EHHADH: variants seen among roughly 807,000 people sequenced by gnomAD.
EHHADH encodes enoyl-CoA hydratase and 3-hydroxyacyl CoA dehydrogenase, also known as peroxisomal bifunctional enzyme.
EHHADH carries 48 observed loss-of-function variants against 64.4 expected under a neutral mutation model. The ratio of observed to expected loss-of-function variants is 0.75; its 90% CI spans 0.59 to 0.95. EHHADH has a LOEUF of 0.95. Ranked by LOEUF, EHHADH falls within the 40% of genes least tolerant of loss-of-function variation. EHHADH has a pLI of 0.00. For synonymous variants in EHHADH, 308 were observed against 326.7 expected (o/e 0.94, Z 0.62); for missense variants, 854 against 876.6 (o/e 0.97, Z 0.33).
chr3:185,247,099 AATTT>A (rs1220094986), intron 2 of EHHADH, among the ~76,000 whole-genome samples: 26 of 152,092 alleles, frequency 1.7e-4, no homozygotes, highest in African/African-American at 5.1e-4. Flanking sequence ...TTCTTAATGA[AATTT>A]ATTTAGATAA....
intron 4 of EHHADH, among the ~76,000 whole-genome samples, chr3:185,223,881 T>C (rs987459852): frequency 6.6e-6 from 1 of 152,154 alleles, no homozygotes; most frequent in African/African-American, 2.4e-5. Flanking sequence ...TGTCAGTTGA[T>C]TGGACAGAGA....
intron 2 of EHHADH, among the ~76,000 whole-genome samples, chr3:185,236,397 A>G (rs1161346116): frequency 1.1e-4 from 1 of 9,226 alleles, no homozygotes; most frequent in Non-Finnish European, 2.2e-4. Context: ...ACCCCCACCC[A>G]CTACCCCTGT....
intron 5 of EHHADH, among the ~76,000 whole-genome samples, chr3:185,206,269 C>T (rs1456728652): frequency 1.4e-5 from 2 of 144,934 alleles, no homozygotes; most frequent in African/African-American, 5.4e-5. Flanking sequence ...TGGATATCCA[C>T]ATGCCAAAAA....
At chr3:185,212,948 C>T (rs956975144) in intron 5 of EHHADH, among the ~76,000 whole-genome samples, 3 of 151,418 alleles carry the variant, frequency 2.0e-5, no homozygotes, top group Non-Finnish European at 2.9e-5. Flanking sequence ...GGTGAAACCC[C>T]GTCTCTACTA....
In EHHADH at chr3:185,204,530, T is replaced by TA; in HGVS notation, c.795dup (p.Arg266Ter). Reference sequence around the variant, plus strand: ...GCGAAGAAAGCATATTGCAGGGCTCTAGCCTGCCCTGATTGCAAAAGATAT... The same window carrying TA: ...GCGAAGAAAGCATATTGCAGGGCTCTAAGCCTGCCCTGATTGCAAAAGATAT... On this transcript the variant is annotated frameshift_variant, in exon 6 of 7. Coordinates refer to ENST00000231887, the MANE Select transcript of EHHADH (RefSeq NM_001966.4). LOFTEE classifies it high-confidence loss of function. 6.2e-7 allele frequency: 1 copy of TA among 1,614,128 alleles called. No homozygotes were observed. Among genetic ancestry groups the TA allele is most frequent in the Non-Finnish European group, 8.5e-7 (1 of 1,179,968 alleles).
chr3:185,230,123 C>T (rs967113192), intron 3 of EHHADH, among the ~76,000 whole-genome samples: 2 of 152,278 alleles, frequency 1.3e-5, no homozygotes, highest in African/African-American at 2.4e-5. Flanking sequence ...CACAAGGTAA[C>T]ACTTTATACC....
chr3:185,206,303 G>T (rs966726174), intron 5 of EHHADH, among the ~76,000 whole-genome samples: 1 of 151,224 alleles, frequency 6.6e-6, no homozygotes, highest in African/African-American at 2.4e-5. Context: ...AAAAAATTTA[G>T]GTCCTTACCT....
chr3:185,228,400 G>A (rs369441369), intron 4 of EHHADH, among the ~76,000 whole-genome samples: 14 of 151,444 alleles, frequency 9.2e-5, no homozygotes, highest in East Asian at 1.9e-4. Context: ...CGGGCTGGCC[G>A]GATGTGGTGG....
chr3:185,196,129 T>C (rs201483906), intron 6 of EHHADH, among the ~76,000 whole-genome samples: 1 of 152,226 alleles, frequency 6.6e-6, no homozygotes, highest in East Asian at 1.9e-4. Flanking sequence ...AAATGGAATA[T>C]TCCAAAATCT....
intron 1 of EHHADH, among the ~76,000 whole-genome samples, chr3:185,252,718 C>A (rs1231255102): frequency 6.6e-6 from 1 of 152,134 alleles, no homozygotes; most frequent in East Asian, 1.9e-4. Context: ...AATATTAATA[C>A]TAATGATAAA....
At chr3:185,214,436 C>T (rs1718630800) in intron 5 of EHHADH, among the ~76,000 whole-genome samples, 1 of 152,234 alleles carries the variant, frequency 6.6e-6, no homozygotes, top group Non-Finnish European at 1.5e-5. Flanking sequence ...CAGTCCTGAG[C>T]CCATTTCTCT....
At chr3:185,226,239 G>A (rs1718971932) in intron 4 of EHHADH, among the ~76,000 whole-genome samples, 2 of 152,236 alleles carry the variant, frequency 1.3e-5, no homozygotes, top group Admixed American at 1.3e-4. Context: ...GAAGCGAGCT[G>A]TCACACTGTG....
chr3:185,209,222 GA>G (rs1349781356), intron 5 of EHHADH, among the ~76,000 whole-genome samples: 11 of 152,044 alleles, frequency 7.2e-5, no homozygotes, highest in African/African-American at 1.9e-4. Flanking sequence ...TTTTATTGAA[GA>G]ACATAAAATA....
chr3:185,253,848 C>T (rs1365198759), intron 1 of EHHADH, 101 bp downstream of exon 1: 1 of 1,531,608 alleles, frequency 6.5e-7, no homozygotes, highest in Non-Finnish European at 8.8e-7. Context: ...TCTTGAGTGT[C>T]CTTCTCGGTT....
chr3:185,210,755 G>A (rs978272135), intron 5 of EHHADH, among the ~76,000 whole-genome samples: 8 of 151,980 alleles, frequency 5.3e-5, no homozygotes, highest in African/African-American at 1.5e-4. Context: ...AGTGTTGTCC[G>A]CCACTGAATC....
chr3:185,196,361 C>T (rs1654399715), intron 6 of EHHADH, among the ~76,000 whole-genome samples: 1 of 152,068 alleles, frequency 6.6e-6, no homozygotes, highest in African/African-American at 2.4e-5. Flanking sequence ...TGTATAGATA[C>T]ACAAAATGGA....
intron 4 of EHHADH, among the ~76,000 whole-genome samples, chr3:185,227,780 C>T (rs191491336): frequency 3.5e-4 from 53 of 152,108 alleles, no homozygotes; most frequent in African/African-American, 1.3e-3. Flanking sequence ...GAGTTGAGAT[C>T]GCGCCATTGC....
chr3:185,210,601 C>A (rs1295144387), intron 5 of EHHADH, among the ~76,000 whole-genome samples: 1 of 149,756 alleles, frequency 6.7e-6, no homozygotes, highest in Non-Finnish European at 1.5e-5. Context: ...TGCCACTGCA[C>A]TCCAGCCTGG....
At chr3:185,195,327 T>C (rs1718029981) in intron 6 of EHHADH, among the ~76,000 whole-genome samples, 1 of 152,186 alleles carries the variant, frequency 6.6e-6, no homozygotes, top group African/African-American at 2.4e-5. Flanking sequence ...CCCACTAGGA[T>C]TGCAATAATG....
Sources: gnomAD v4.1 joint callset for allele counts (sites outside exome capture counted in the v4.1 genomes callset) on GRCh38, gnomAD v4.1.1 for gene constraint, MANE v1.5 for transcripts, NCBI Gene and HGNC (gene_info 2026-07-23, HGNC 2026-07-21) for gene names.